TTC7A: variants seen among roughly 807,000 people sequenced by gnomAD.
TTC7A encodes tetratricopeptide repeat protein 7A.
Under a neutral mutation model 103.7 loss-of-function variants are expected in TTC7A, and 110 were observed. That is an observed-to-expected ratio of 1.06 (90% CI 0.91 to 1.24). TTC7A has a LOEUF of 1.24. Ranked by LOEUF, TTC7A falls within the 50% of genes most tolerant of loss-of-function variation. The pLI, the probability that TTC7A is intolerant of heterozygous loss-of-function variation, is 0.00. For missense variants in TTC7A, 1,340 were observed against 1,116.3 expected (o/e 1.20, Z -2.86); for synonymous variants, 521 against 467.9 (o/e 1.11, Z -1.47).
intron 8 of TTC7A, chr2:46,999,786 A>G: frequency 5.1e-6 from 5 of 985,474 alleles, no homozygotes; most frequent in Non-Finnish European, 6.0e-6. Context: ...AATATGTGCT[A>G]AAGTAAACTG....
upstream of TTC7A, chr2:46,916,074 A>G (rs1376962574): frequency 2.0e-6 from 2 of 985,496 alleles, no homozygotes; most frequent in East Asian, 1.1e-4. Context: ...GGAAGCCCTC[A>G]GGAACGTAGT....
intron 10 of TTC7A, among the ~76,000 whole-genome samples, chr2:47,008,409 C>T (rs1052352449): frequency 2.2e-4 from 34 of 152,218 alleles, no homozygotes; most frequent in African/African-American, 7.7e-4. Flanking sequence ...AGTCTTCTGC[C>T]TCTGACTAGC....
chr2:47,047,059 G>T, intron 16 of TTC7A: 6 of 561,280 alleles, frequency 1.1e-5, no homozygotes, highest in Non-Finnish European at 1.9e-5. Flanking sequence ...GGGCACTCTT[G>T]TCCAGGCTGA....
intron 3 of TTC7A, among the ~76,000 whole-genome samples, chr2:46,965,830 T>C (rs1672786149): frequency 6.6e-6 from 1 of 152,188 alleles, no homozygotes; most frequent in African/African-American, 2.4e-5. Context: ...CCAGGAGTAC[T>C]GGAGTTACAG....
intron 3 of TTC7A, chr2:46,958,597 T>C (rs1180101577): frequency 7.9e-7 from 1 of 1,268,162 alleles, no homozygotes; most frequent in South Asian, 1.3e-5. Context: ...GGTCTCAGGC[T>C]GTGCTAGCTC....
rs771994498 is a variant in TTC7A, at chr2:47,060,890, G to A, written c.2274G>A (p.Lys758=). 1 of 1,614,154 alleles carries A rather than the reference G, an allele frequency of 6.2e-7. No individual in the cohort carries two copies. ...LYMRGRLAEV[K]GNLEEAKQLY... Reference sequence around the variant, plus strand: ...TGCGGGGCCGGCTGGCTGAGGTGAAGGGCAACCTGGAGGAGGCCAAGCAGC... The same window carrying A: ...TGCGGGGCCGGCTGGCTGAGGTGAAAGGCAACCTGGAGGAGGCCAAGCAGC... Residue 758 remains lysine, a synonymous_variant, in exon 19 of 20, where the codon AAG becomes AAA. Coordinates refer to ENST00000319190, the MANE Select transcript of TTC7A (RefSeq NM_020458.4).
At chr2:46,944,564 C>G (rs1670769634) in intron 1 of TTC7A, among the ~76,000 whole-genome samples, 1 of 151,944 alleles carries the variant, frequency 6.6e-6, no homozygotes, top group Admixed American at 6.6e-5. Flanking sequence ...CCCCTACTCC[C>G]CTAAAAAATA....
At chr2:47,033,766 G>T (rs1040812852) in intron 15 of TTC7A, among the ~76,000 whole-genome samples, 13 of 152,220 alleles carry the variant, frequency 8.5e-5, no homozygotes, top group African/African-American at 3.1e-4. Flanking sequence ...GTAGGGAGGG[G>T]AGAGGAGGCT....
In TTC7A at chr2:47,005,930, A is replaced by C. The variant is rs777671248; in HGVS notation, c.1074A>C (p.Arg358=). Residue 358 remains arginine, a synonymous_variant, in exon 9 of 20, where the codon CGA becomes CGC. Transcript: ENST00000319190. ...CAATGTCCCACCCACAGGCAACTCG[A>C]GATGTGGTGCTGAGCCGGGTGCCGG... ...LLLISESMAT[R]DVVLSRVPEQ... The C allele has an allele frequency of 6.2e-7, 1 of 1,614,056 alleles. No homozygotes were observed. The highest frequency in any genetic ancestry group is 1.1e-5 in the South Asian group (1 of 91,074).
At chr2:47,065,096 G>C (rs1308795146) in intron 19 of TTC7A, among the ~76,000 whole-genome samples, 2 of 152,104 alleles carry the variant, frequency 1.3e-5, no homozygotes, top group Admixed American at 1.3e-4. Flanking sequence ...GACCATCCTG[G>C]CTAACACGGT....
At chr2:46,985,660 A>G (rs372822661) in intron 5 of TTC7A, among the ~76,000 whole-genome samples, 1 of 151,830 alleles carries the variant, frequency 6.6e-6, no homozygotes, top group Non-Finnish European at 1.5e-5. Flanking sequence ...TGTAGACCCC[A>G]TGAGCCTGGT....
chr2:46,937,041 A>G (rs1670013976), upstream of TTC7A, among the ~76,000 whole-genome samples: 1 of 151,946 alleles, frequency 6.6e-6, no homozygotes, highest in Non-Finnish European at 1.5e-5. This position sits in a 1 kb window ranked among gnomAD's most constrained non-coding sequence, Gnocchi z 4.0. Flanking sequence ...TTTTTTGTAG[A>G]GATGGGTTTT....
intron 5 of TTC7A, among the ~76,000 whole-genome samples, chr2:46,980,218 T>C (rs866090179): frequency 1.5e-3 from 47 of 32,328 alleles, no homozygotes; most frequent in Admixed American, 5.8e-3. Flanking sequence ...CTCTCTCTCT[T>C]TTTTTTTTTT....
chr2:47,043,992 CG>C (rs1176848247), intron 15 of TTC7A, among the ~76,000 whole-genome samples: 1 of 152,092 alleles, frequency 6.6e-6, no homozygotes, highest in Admixed American at 6.5e-5. Context: ...GCAGAGGGCC[CG>C]GGGAATGCAG....
At chr2:47,037,347 A>G (rs1462315948) in intron 15 of TTC7A, among the ~76,000 whole-genome samples, 1 of 152,200 alleles carries the variant, frequency 6.6e-6, no homozygotes, top group Non-Finnish European at 1.5e-5. Context: ...CTGCTAGACA[A>G]TGGGAGGGAG....
chr2:47,062,889 C>T (rs4953454), intron 19 of TTC7A, among the ~76,000 whole-genome samples: 26,104 of 152,128 alleles, frequency 0.17, 3,520 homozygotes, highest in East Asian at 0.64. Flanking sequence ...TAGAGCAAGT[C>T]AGAGCCAGGC....
chr2:46,975,004 C>T lies in TTC7A; in HGVS notation c.549C>T (p.Ile183=), dbSNP rs199800071. The T allele has an allele frequency of 2.1e-4, 343 of 1,614,012 alleles. 1 individual carries two copies. Among genetic ancestry groups the T allele is most frequent in the Admixed American group, 9.2e-4 (55 of 60,020 alleles). ...CTCTGGAACGCCTACCCAACTCCAT[C>T]GCCTCCCGCTTCCGCCTGACAGAGA... ...GLSLERLPNS[I]ASRFRLTERE... is the part of the protein sequence containing the mutation. The change falls in exon 4 of 20, where the codon ATC becomes ATT. Residue 183 remains isoleucine (I), a synonymous_variant. Transcript: ENST00000319190.
intron 11 of TTC7A, among the ~76,000 whole-genome samples, chr2:47,013,742 G>A (rs1678322595): frequency 6.6e-6 from 1 of 152,230 alleles, no homozygotes; most frequent in African/African-American, 2.4e-5. Context: ...AGATGAGTTA[G>A]GAGCAAAGTA....
At chr2:46,993,585 A>G (rs1675846741) in intron 6 of TTC7A, 57 bp downstream of exon 6, 1 of 1,540,548 alleles carries the variant, frequency 6.5e-7, no homozygotes, top group Admixed American at 1.7e-5. Context: ...GGTGGGAGAC[A>G]ACAGAAGTCC....
Sources: allele counts gnomAD v4.1 joint callset (sites outside exome capture counted in the v4.1 genomes callset), GRCh38; gene constraint gnomAD v4.1.1; non-coding constraint Gnocchi (gnomAD v3.1); transcripts MANE v1.5; gene names NCBI Gene and HGNC (gene_info 2026-07-23, HGNC 2026-07-21).